Variants in KNL1 observed in about 807,000 individuals in gnomAD.
KNL1 encodes kinetochore scaffold 1, also known as outer kinetochore KNL1 complex subunit KNL1.
KNL1 carries 66 observed loss-of-function variants against 201.3 expected under a neutral mutation model. The observed-to-expected ratio is 0.33, with a 90% CI of 0.27 to 0.40. KNL1 has a LOEUF of 0.40. KNL1 is among the 10% of genes least tolerant of loss of function. The probability of loss-of-function intolerance (pLI) is 1.00; values close to 1 mark genes in which losing one functional copy is unlikely to be tolerated. For synonymous variants in KNL1, 895 were observed against 899.2 expected (o/e 1.00, Z 0.08); for missense variants, 2,815 against 2,690.5 (o/e 1.05, Z -1.02).
At position 40,611,466 on chromosome 15, in the gene KNL1, T is replaced by C; in HGVS notation, c.251-12T>C. 4.3e-6 allele frequency: 1 copy of C among 233,286 alleles called. No individual in the cohort carries two copies. The highest frequency in any genetic ancestry group is 8.2e-6 in the Non-Finnish European group (1 of 121,612). 14.5% of individuals were successfully genotyped at this position (233,286 alleles called of 1,614,324 possible). ...TATCCTTGGACAAATTTAATTTTAA[T>C]TTTATTTTTAGAAACAGAAACAGGA... On this transcript the variant is annotated splice_polypyrimidine_tract_variant and intron_variant, in intron 6 of 25. Coordinates refer to ENST00000399668, the MANE Select transcript of KNL1 (RefSeq NM_144508.5).
chr15:40,611,657 T>C (rs1892166440), intron 7 of KNL1, 146 bp downstream of exon 7: 1 of 166,150 alleles, frequency 6.0e-6, no homozygotes, highest in Admixed American at 6.6e-5. Context: ...ATCTGATTAA[T>C]ATGGCCATTG....
rs533552830 is a variant in KNL1, at chr15:40,663,977, A to T, written c.*1789A>T. ...AACCTCATTTGCCATAAAAATCAAG[A>T]TATAGATGTTCTGTTCCGTAAACTC... is the stretch of plus-strand genomic sequence containing the variant. On this transcript the variant is annotated 3_prime_UTR_variant, in exon 26 of 26. Coordinates refer to ENST00000399668, the MANE Select transcript of KNL1 (RefSeq NM_144508.5). The T allele has an allele frequency of 5.3e-6, 1 of 188,058 alleles. No homozygotes were observed. The highest frequency in any genetic ancestry group is 6.2e-5 in the Admixed American group (1 of 16,136). The allele number at this position is 188,058 out of a possible 1,614,324, so 11.6% of individuals were successfully genotyped here.
At position 40,663,496 on chromosome 15, in the gene KNL1, A is replaced by G. The variant is rs1168279081; in HGVS notation, c.*1308A>G. 5.3e-6 allele frequency: 1 copy of G among 189,442 alleles called. No individual in the cohort carries two copies. The highest frequency in any genetic ancestry group is 2.3e-5 in the African/African-American group (1 of 42,870). 11.7% of individuals were successfully genotyped at this position (189,442 alleles called of 1,614,324 possible). On this transcript the variant is annotated 3_prime_UTR_variant, in exon 26 of 26. Coordinates refer to ENST00000399668, the MANE Select transcript of KNL1 (RefSeq NM_144508.5). ...CATAGAAATTCATTGAGGTATATAG[A>G]TACTCATCTGTCTAGGCAGTTCCCA...
chr15:40,613,277 G>A (rs751045291), intron 7 of KNL1, among the ~76,000 whole-genome samples: 1 of 152,056 alleles, frequency 6.6e-6, no homozygotes, highest in Non-Finnish European at 1.5e-5. Context: ...GTATCTTCTC[G>A]TGTGTGTACA....
intron 8 of KNL1, among the ~76,000 whole-genome samples, chr15:40,617,109 G>C (rs755552449): frequency 1.6e-4 from 25 of 152,054 alleles, no homozygotes; most frequent in African/African-American, 5.8e-4. Flanking sequence ...CCACCAGGCC[G>C]AGCTGATTTT....
chr15:40,621,765 C>G lies in KNL1; in HGVS notation c.1501C>G (p.Gln501Glu), dbSNP rs369732480. Residue 501 changes from glutamine to glutamate, a missense_variant, in exon 10 of 26, where the codon CAA (glutamine) becomes GAA (glutamate). Gln to Glu is a conservative substitution (Grantham distance 29, BLOSUM62 2). This residue lies in a region of KNL1 where 2,464 missense variants were observed against 2,291.7 expected (regional missense o/e 1.08). Transcript: ENST00000399668. ...TGCAATAGATAATCAAATTTTTAAA[C>G]AAGATCAATCAAATGTGCAAATAGC... ...TVAIDNQIFK[Q>E]DQSNVQIAAA... 1.2e-6 allele frequency: 2 copies of G among 1,613,776 alleles called. No individual in the cohort carries two copies. The highest frequency in any genetic ancestry group is 1.7e-6 in the Non-Finnish European group (2 of 1,179,812).
At chr15:40,603,025 A>G in intron 2 of KNL1, 59 bp downstream of exon 2, 2 of 1,099,948 alleles carry the variant, frequency 1.8e-6, no homozygotes, top group Non-Finnish European at 2.7e-6. Context: ...ATATTTTTCT[A>G]ATTAGTAAGA....
chr15:40,619,052 T>C lies in KNL1; in HGVS notation c.375+41T>C, dbSNP rs1362603430. On this transcript the variant is annotated intron_variant, in intron 9 of 25. Coordinates refer to ENST00000399668, the MANE Select transcript of KNL1 (RefSeq NM_144508.5). ...AATACCTTCATATTGTAATGTCATT[T>C]GATTGTTAAAACAGAAAACACAATT... 3.8e-6 allele frequency: 5 copies of C among 1,305,146 alleles called. No homozygotes were observed. In the South Asian group the frequency reaches 4.8e-5, roughly 13 times the overall value. 80.8% of individuals were successfully genotyped at this position (1,305,146 alleles called of 1,614,324 possible).
At chr15:40,647,197 G>A in intron 17 of KNL1, 123 bp downstream of exon 17, 1 of 594,882 alleles carries the variant, frequency 1.7e-6, no homozygotes, top group Non-Finnish European at 3.1e-6. Context: ...TATTAAATTA[G>A]AGTAAATTGG....
Position 40,659,458 on chromosome 15 carries a change from C to G in KNL1, c.6833C>G (p.Thr2278Ser), listed in dbSNP as rs1893839050. 8 of 1,612,786 alleles carry G rather than the reference C, an allele frequency of 5.0e-6. No individual in the cohort carries two copies. The highest frequency in any genetic ancestry group is 6.8e-6 in the Non-Finnish European group (8 of 1,179,306). ...ACCATTCAGAATCACGTTGGGAACA[C>G]TAGGTGAGTAAAGGGCCAACAGGGT... ...PSTIQNHVGN[T>S]SQDDIATILS... is the part of the protein sequence containing the mutation. Residue 2278 changes from threonine to serine, a missense_variant, in exon 25 of 26, where the codon ACT becomes AGT. By Grantham distance (58) the Thr-to-Ser change is moderately conservative. This residue lies in a region of KNL1 where 334 missense variants were observed against 362.6 expected (regional missense o/e 0.92). Coordinates refer to ENST00000399668, the MANE Select transcript of KNL1 (RefSeq NM_144508.5).
chr15:40,595,067 T>C (rs1891584244), intron 1 of KNL1, among the ~76,000 whole-genome samples: 1 of 152,226 alleles, frequency 6.6e-6, no homozygotes, highest in Non-Finnish European at 1.5e-5. Context: ...ATTGGAATTT[T>C]ACAGATAGGT....
At chr15:40,597,564 C>T (rs146334699) in intron 1 of KNL1, among the ~76,000 whole-genome samples, 2 of 152,288 alleles carry the variant, frequency 1.3e-5, no homozygotes, top group East Asian at 3.9e-4. Flanking sequence ...CTTGAGCCAT[C>T]GCACCAGGCC....
chr15:40,664,028 A>G lies in KNL1; in HGVS notation c.*1840A>G, dbSNP rs560233777. ...CTTGAAAAACATTTTAAAGTCATCA[A>G]TATGATCTGTTTCCCATGAAACTTA... is the stretch of plus-strand genomic sequence containing the variant. On this transcript the variant is annotated 3_prime_UTR_variant, in exon 26 of 26. Coordinates refer to ENST00000399668, the MANE Select transcript of KNL1 (RefSeq NM_144508.5). 417 of 185,028 alleles carry G rather than the reference A, an allele frequency of 2.3e-3. No homozygotes were observed. The highest frequency in any genetic ancestry group is 0.01 in the Middle Eastern group (5 of 486). The allele number at this position is 185,028 out of a possible 1,614,324, so 11.5% of individuals were successfully genotyped here. A position where few individuals can be genotyped will look rare whatever the true frequency, so the allele number is the denominator to read the frequency against.
At chr15:40,652,717 C>T (rs575529072) in intron 21 of KNL1, among the ~76,000 whole-genome samples, 3 of 143,400 alleles carry the variant, frequency 2.1e-5, no homozygotes, top group South Asian at 2.1e-4. Flanking sequence ...GAGCCAAGAT[C>T]GTGCCACTGC....
At position 40,622,795 on chromosome 15, in the gene KNL1, A is replaced by G. The variant is rs996471669; in HGVS notation, c.2531A>G (p.Asn844Ser). The change falls in exon 10 of 26, where the codon AAT (asparagine) becomes AGT (serine). Residue 844 changes from asparagine (N) to serine (S), a missense_variant. Coordinates refer to ENST00000399668, the MANE Select transcript of KNL1 (RefSeq NM_144508.5). ...CCTAAATTTCCAAAGGAAAAGCAAA[A>G]TGTCAAAATTTGGGGAAGGAAAAGT... ...QKPKFPKEKQ[N>S]VKIWGRKSVG... 3.1e-6 allele frequency: 5 copies of G among 1,612,798 alleles called. No individual in the cohort carries two copies. The highest frequency in any genetic ancestry group is 4.2e-6 in the Non-Finnish European group (5 of 1,179,574).
intron 1 of KNL1, among the ~76,000 whole-genome samples, chr15:40,600,963 T>TA (rs1054189919): frequency 2.0e-5 from 3 of 152,234 alleles, no homozygotes; most frequent in African/African-American, 7.2e-5. Flanking sequence ...GCTGAGTACT[T>TA]ATCGTTGACT....
At chr15:40,617,051 C>A (rs1892365989) in intron 8 of KNL1, among the ~76,000 whole-genome samples, 1 of 152,248 alleles carries the variant, frequency 6.6e-6, no homozygotes, top group Non-Finnish European at 1.5e-5. Flanking sequence ...CAGGTTCAAG[C>A]GATTTTCCTG....
intron 13 of KNL1, among the ~76,000 whole-genome samples, chr15:40,631,113 G>T: frequency 6.6e-6 from 1 of 151,896 alleles, no homozygotes; most frequent in Non-Finnish European, 1.5e-5. Flanking sequence ...GCCGGACCCT[G>T]TCTCAAAAAA....
At chr15:40,610,093 G>A in intron 5 of KNL1, 152 bp from the exon 6 acceptor site, 1 of 494,736 alleles carries the variant, frequency 2.0e-6, no homozygotes, top group South Asian at 3.6e-5. Flanking sequence ...AACTACTTTT[G>A]GCATTTGAAA....
Sources: gnomAD v4.1 joint callset for allele counts (sites outside exome capture counted in the v4.1 genomes callset) on GRCh38, gnomAD v4.1.1 for gene constraint, gnomAD v4.1.1 regional missense constraint, MANE v1.5 for transcripts, NCBI Gene and HGNC (gene_info 2026-07-23, HGNC 2026-07-21) for gene names.